The following CNTN3 variants were observed in gnomAD, a reference collection of about 807,000 sequenced individuals.
CNTN3 encodes the protein contactin 3, also known as contactin-3.
In CNTN3, 60 loss-of-function variants were observed where a neutral mutation model predicts 119.1. The observed-to-expected ratio is 0.50, with a 90% CI of 0.41 to 0.62. The LOEUF (loss-of-function observed/expected upper bound fraction) is 0.62. CNTN3 is among the 20% of genes least tolerant of loss of function. CNTN3 has a pLI of 0.00. For missense variants in CNTN3, 1,101 were observed against 1,242.4 expected (o/e 0.89, Z 1.71); for synonymous variants, 450 against 438.7 (o/e 1.03, Z -0.32).
At chr3:74,492,835 T>A (rs80065142) in intron 3 of CNTN3, among the ~76,000 whole-genome samples, 3,431 of 152,166 alleles carry the variant, frequency 0.023, 48 homozygotes, top group South Asian at 0.073. Context: ...TAAAAAAGCC[T>A]AAATTCTAAG....
chr3:74,523,562 A>G (rs1338502531), intron 1 of CNTN3, among the ~76,000 whole-genome samples: 1 of 151,886 alleles, frequency 6.6e-6, no homozygotes, highest in Non-Finnish European at 1.5e-5. Flanking sequence ...ATAGCTATCC[A>G]GTATATACAC....
chr3:74,371,433 A>G, intron 5 of CNTN3, 34 bp from the exon 6 acceptor site: 1 of 1,497,832 alleles, frequency 6.7e-7, no homozygotes. Flanking sequence ...AAGAAATTCC[A>G]TCATTAAGGA....
intron 1 of CNTN3, among the ~76,000 whole-genome samples, chr3:74,601,515 T>C (rs993956611): frequency 6.6e-6 from 1 of 152,158 alleles, no homozygotes; most frequent in African/African-American, 2.4e-5. Context: ...GTATAATTTA[T>C]TCATAAGCAA....
intron 17 of CNTN3, 42 bp from the exon 18 acceptor site, chr3:74,298,233 G>A (rs752266857): frequency 6.1e-6 from 8 of 1,307,692 alleles, no homozygotes; most frequent in Non-Finnish European, 7.3e-6. Context: ...ACACATAAGG[G>A]CAAGGCAAAA....
At chr3:74,459,962 A>T (rs957568759) in intron 4 of CNTN3, among the ~76,000 whole-genome samples, 1 of 152,014 alleles carries the variant, frequency 6.6e-6, no homozygotes, top group African/African-American at 2.4e-5. Flanking sequence ...GTGGTTTCAA[A>T]TATTTTCTCC....
chr3:74,338,331 G>A (rs1379016406), intron 11 of CNTN3, among the ~76,000 whole-genome samples: 2 of 151,002 alleles, frequency 1.3e-5, no homozygotes, highest in African/African-American at 4.9e-5. Context: ...GTTACTACAA[G>A]GGTTTCTGTA....
chr3:74,280,345 T>C lies in CNTN3; in HGVS notation c.2704+4960A>G, dbSNP rs114089916. Among the ~76,000 whole-genome samples the C allele has an allele frequency of 7.2e-3, 1,101 of 152,310 alleles. 12 individuals carry two copies. The highest frequency in any genetic ancestry group is 0.025 in the African/African-American group (1,052 of 41,562). ...TTTTCCCCAAGTATACTCACACATA[T>C]AATAATTAGCAAAGGCATAAAAATA... On this transcript the variant is annotated intron_variant, in intron 20 of 22. Transcript: ENST00000263665.
At chr3:74,422,231 G>A (rs181740740) in intron 5 of CNTN3, among the ~76,000 whole-genome samples, 16 of 152,264 alleles carry the variant, frequency 1.1e-4, no homozygotes, top group Admixed American at 2.0e-4. Context: ...TTGGATCAAC[G>A]AGCATCACAC....
intron 4 of CNTN3, among the ~76,000 whole-genome samples, chr3:74,455,153 G>A (rs1290369523): frequency 2.0e-5 from 3 of 152,062 alleles, no homozygotes; most frequent in Non-Finnish European, 2.9e-5. Flanking sequence ...CCAATCAGAC[G>A]TAGATTTGGT....
chr3:74,403,896 A>AT (rs541707677), intron 5 of CNTN3, among the ~76,000 whole-genome samples: 276 of 148,716 alleles, frequency 1.9e-3, no homozygotes, highest in African/African-American at 6.1e-3. Context: ...CCTTTTTTTT[A>AT]TTTTTTTGAA....
At chr3:74,299,976 G>C in intron 16 of CNTN3, 38 bp from the exon 17 acceptor site, 1 of 1,272,912 alleles carries the variant, frequency 7.9e-7, no homozygotes, top group East Asian at 2.5e-5. Context: ...AATGGTACTT[G>C]CATTTAGTAA....
At chr3:74,590,025 G>C (rs573257623) in intron 1 of CNTN3, among the ~76,000 whole-genome samples, 1 of 150,784 alleles carries the variant, frequency 6.6e-6, no homozygotes, top group East Asian at 2.0e-4. Context: ...GAGTTAATGG[G>C]TGCAGCTCAC....
chr3:74,288,018 T>C (rs1404432400), intron 19 of CNTN3, among the ~76,000 whole-genome samples: 1 of 152,186 alleles, frequency 6.6e-6, no homozygotes, highest in Non-Finnish European at 1.5e-5. Flanking sequence ...CCCATGTGCA[T>C]TCAACTTGTG....
chr3:74,267,914 G>A (rs1193267711), intron 20 of CNTN3, among the ~76,000 whole-genome samples: 2 of 152,060 alleles, frequency 1.3e-5, no homozygotes, highest in African/African-American at 4.8e-5. Context: ...ATATGATTTT[G>A]GAGCCAGCCT....
intron 1 of CNTN3, among the ~76,000 whole-genome samples, chr3:74,597,119 A>G (rs1704826682): frequency 6.6e-6 from 1 of 152,080 alleles, no homozygotes; most frequent in Non-Finnish European, 1.5e-5. Context: ...TCTACCCATT[A>G]GTTCACAGGT....
At chr3:74,351,422 C>T (rs1294682076) in intron 11 of CNTN3, among the ~76,000 whole-genome samples, 2 of 152,188 alleles carry the variant, frequency 1.3e-5, no homozygotes, top group African/African-American at 4.8e-5. Context: ...GATTCCTGGC[C>T]TCATTTTCCA....
chr3:74,489,910 C>T (rs933656587), intron 3 of CNTN3, among the ~76,000 whole-genome samples: 6 of 152,138 alleles, frequency 3.9e-5, no homozygotes, highest in Non-Finnish European at 5.9e-5. Flanking sequence ...ATTCAACAAA[C>T]GGGCAAATAT....
intron 4 of CNTN3, among the ~76,000 whole-genome samples, chr3:74,442,932 G>C (rs555566944): frequency 3.9e-5 from 6 of 152,182 alleles, no homozygotes; most frequent in Non-Finnish European, 8.8e-5. Context: ...ATACAGCATG[G>C]CTCCACAGCC....
chr3:74,436,431 T>C (rs558708774), intron 4 of CNTN3, among the ~76,000 whole-genome samples: 3 of 152,266 alleles, frequency 2.0e-5, no homozygotes, highest in South Asian at 4.1e-4. Context: ...ATCCACTCCC[T>C]CCATGGCACT....
Sources: allele counts gnomAD v4.1 joint callset (sites outside exome capture counted in the v4.1 genomes callset), GRCh38; gene constraint gnomAD v4.1.1; transcripts MANE v1.5; gene names NCBI Gene and HGNC (gene_info 2026-07-23, HGNC 2026-07-21).